The following EYS variants were observed in gnomAD, a reference collection of about 807,000 sequenced individuals.
EYS encodes EGF-like photoreceptor maintenance factor, also known as protein eyes shut homolog.
EYS carries 250 observed loss-of-function variants against 282.1 expected under a neutral mutation model. The observed-to-expected ratio is 0.89, with a 90% CI of 0.80 to 0.98. EYS has a LOEUF of 0.98. Ranked by LOEUF, EYS falls within the 50% of genes least tolerant of loss-of-function variation. EYS has a pLI of 0.00. For missense variants in EYS, 4,016 were observed against 3,709.0 expected (o/e 1.08, Z -2.15); for synonymous variants, 1,355 against 1,282.9 (o/e 1.06, Z -1.20).
At chr6:63,864,839 G>A (rs1733115463) in intron 35 of EYS, among the ~76,000 whole-genome samples, 1 of 152,178 alleles carries the variant, frequency 6.6e-6, no homozygotes, top group African/African-American at 2.4e-5. Context: ...ACACAGTGGG[G>A]AGCTATAATG....
intron 22 of EYS, among the ~76,000 whole-genome samples, chr6:64,672,938 T>C (rs1460711858): frequency 6.6e-6 from 1 of 152,116 alleles, no homozygotes. Flanking sequence ...AGGGAAGCAT[T>C]CATATTTAGG....
chr6:65,569,574 C>T (rs1337181200), intron 2 of EYS, among the ~76,000 whole-genome samples: 1 of 152,122 alleles, frequency 6.6e-6, no homozygotes, highest in Non-Finnish European at 1.5e-5. Flanking sequence ...AGGGTTAACA[C>T]CACTCTCCTA....
rs35633005 is a variant in EYS at position 65,281,035 on chromosome 6, C to CAAA, written c.2023+14825_2023+14827dup. On this transcript the variant is annotated intron_variant, in intron 12 of 42. Coordinates refer to ENST00000503581, the MANE Select transcript of EYS (RefSeq NM_001142800.2). Reference sequence around the variant, plus strand: ...TGGGCAACAGAGTGAGATGCCATCTCAAAAAAAAAAAAAAAAGAAAAGAAA... The same window carrying CAAA: ...TGGGCAACAGAGTGAGATGCCATCTCAAAAAAAAAAAAAAAAAAAGAAAAGAAA... Among the ~76,000 whole-genome samples, 334 of 101,860 alleles carry CAAA rather than the reference C, an allele frequency of 3.3e-3. 7 individuals carry two copies. Among genetic ancestry groups the CAAA allele is most frequent in the Middle Eastern group, 6.6e-3 (1 of 152 alleles). 66.8% of individuals were successfully genotyped at this position (101,860 alleles called of 152,430 possible).
chr6:64,886,809 C>T lies in EYS; in HGVS notation c.2880G>A (p.Gly960=). 1 of 1,544,316 alleles carries T rather than the reference C, an allele frequency of 6.5e-7. No homozygotes were observed. The highest frequency in any genetic ancestry group is 8.8e-7 in the Non-Finnish European group (1 of 1,142,830). The stretch of plus-strand genomic sequence containing the variant: ...TATTTACATCAAGTTCACAGAAGGG[C>T]CCATGGTACTCAGGTTCACAATTAC... The part of the protein sequence containing the change: ...FFCNCEPEYH[G]PFCELDVNKC... The change falls in exon 19 of 43, where the codon GGG becomes GGA. Residue 960 remains glycine (G), a synonymous_variant. Coordinates refer to ENST00000503581, the MANE Select transcript of EYS (RefSeq NM_001142800.2).
intron 2 of EYS, among the ~76,000 whole-genome samples, chr6:65,540,983 A>C (rs1768150172): frequency 6.6e-6 from 1 of 152,106 alleles, no homozygotes; most frequent in African/African-American, 2.4e-5. Context: ...TAAGTATCAC[A>C]ATTTTTATTT....
At position 64,346,705 on chromosome 6, in the gene EYS, T is replaced by G. The variant is rs891301934; in HGVS notation, c.6079-39623A>C. Among the ~76,000 whole-genome samples, 4 of 151,342 alleles carry G rather than the reference T, an allele frequency of 2.6e-5. No individual in the cohort carries two copies. The East Asian group carries it at 7.8e-4, about 30-fold the overall frequency. On this transcript the variant is annotated intron_variant, in intron 29 of 42. Transcript: ENST00000503581. ...TACCCTAAAACTTAAAGTATAATAA[T>G]AATAAAATTAAACAAAACAAAACAA...
At chr6:65,591,278 T>C (rs72882209) in intron 2 of EYS, among the ~76,000 whole-genome samples, 14,513 of 152,024 alleles carry the variant, frequency 0.095, 934 homozygotes, top group Middle Eastern at 0.2. Flanking sequence ...CACAGCTTAT[T>C]GCAGCCCTGA....
chr6:65,120,312 CCTT>C (rs1479135980), intron 12 of EYS, among the ~76,000 whole-genome samples: 1 of 151,660 alleles, frequency 6.6e-6, no homozygotes, highest in Non-Finnish European at 1.5e-5. Context: ...TAAAACAACA[CCTT>C]TTTTTAAAAT....
intron 35 of EYS, among the ~76,000 whole-genome samples, chr6:63,925,423 G>C (rs1764687990): frequency 6.6e-6 from 1 of 152,250 alleles, no homozygotes; most frequent in South Asian, 2.1e-4. Flanking sequence ...TCAACAATTT[G>C]AACTCATTTT....
chr6:65,328,369 CATA>C (rs1769683129), intron 11 of EYS, among the ~76,000 whole-genome samples: 1 of 151,294 alleles, frequency 6.6e-6, no homozygotes. Context: ...AGCATTTTGT[CATA>C]ATAATTAATA....
intron 12 of EYS, among the ~76,000 whole-genome samples, chr6:65,063,094 A>G (rs1349838954): frequency 6.6e-6 from 1 of 152,010 alleles, no homozygotes; most frequent in Non-Finnish European, 1.5e-5. Context: ...GTATATGAAA[A>G]TTACATAGAA....
At chr6:64,356,236 G>A (rs1428498555) in intron 29 of EYS, among the ~76,000 whole-genome samples, 1 of 151,328 alleles carries the variant, frequency 6.6e-6, no homozygotes, top group Non-Finnish European at 1.5e-5. Context: ...TTCATAGTAG[G>A]TGTGTATATT....
intron 19 of EYS, among the ~76,000 whole-genome samples, chr6:64,845,238 C>A (rs1765683406): frequency 2.0e-5 from 3 of 151,918 alleles, no homozygotes; most frequent in Admixed American, 2.0e-4. Context: ...TTGTAATGAG[C>A]CAACATAGTG....
intron 41 of EYS, among the ~76,000 whole-genome samples, chr6:63,729,667 G>T (rs931296728): frequency 6.6e-6 from 1 of 151,958 alleles, no homozygotes; most frequent in East Asian, 1.9e-4. Flanking sequence ...TTATAAAATG[G>T]ATATAGGATG....
chr6:65,664,946 A>G (rs1768147755), intron 1 of EYS, among the ~76,000 whole-genome samples: 1 of 152,158 alleles, frequency 6.6e-6, no homozygotes, highest in South Asian at 2.1e-4. Context: ...AAGATGGGAC[A>G]TAGCAATTCT....
At chr6:65,179,186 G>A (rs893720701) in intron 12 of EYS, among the ~76,000 whole-genome samples, 14 of 151,892 alleles carry the variant, frequency 9.2e-5, no homozygotes, top group African/African-American at 3.4e-4. Context: ...TCAAAAGCTA[G>A]CAGAAGGCAA....
intron 36 of EYS, among the ~76,000 whole-genome samples, chr6:63,847,786 A>G (rs1164512130): frequency 6.6e-6 from 1 of 152,234 alleles, no homozygotes; most frequent in Non-Finnish European, 1.5e-5. Context: ...TATATGAGAA[A>G]TAACTTAGTG....
At chr6:65,015,468 C>T (rs577028991) in intron 13 of EYS, among the ~76,000 whole-genome samples, 1 of 152,260 alleles carries the variant, frequency 6.6e-6, no homozygotes, top group African/African-American at 2.4e-5. Flanking sequence ...CTGTTGAAAG[C>T]TTTCCTAAAA....
intron 26 of EYS, among the ~76,000 whole-genome samples, chr6:64,554,057 C>T (rs891232342): frequency 3.3e-5 from 5 of 151,964 alleles, no homozygotes; most frequent in African/African-American, 9.7e-5. Flanking sequence ...GGGAATCACA[C>T]ACAGGATTTT....
Sources: gnomAD v4.1 joint callset for allele counts (sites outside exome capture counted in the v4.1 genomes callset) on GRCh38, gnomAD v4.1.1 for gene constraint, MANE v1.5 for transcripts, NCBI Gene and HGNC (gene_info 2026-07-23, HGNC 2026-07-21) for gene names.